GRM3: variants seen among roughly 807,000 people sequenced by gnomAD.
GRM3 encodes metabotropic glutamate receptor 3.
A neutral mutation model predicts 70.5 loss-of-function variants in GRM3; 26 were observed. The ratio of observed to expected loss-of-function variants is 0.37; its 90% CI spans 0.27 to 0.51. The LOEUF (loss-of-function observed/expected upper bound fraction) is 0.51. Among genes scored for constraint, GRM3 ranks in the 20% least tolerant of loss-of-function variants. The probability of loss-of-function intolerance (pLI) is 0.93; values close to 1 mark genes in which losing one functional copy is unlikely to be tolerated. For missense variants in GRM3, 859 were observed against 1,123.8 expected, an observed-to-expected ratio of 0.76 and a Z score of 3.37; for synonymous variants, 443 against 434.9, an observed-to-expected ratio of 1.02 and a Z score of -0.23.
intron 1 of GRM3, among the ~76,000 whole-genome samples, chr7:86,673,889 CTT>C (rs985239138): frequency 1.3e-5 from 2 of 152,110 alleles, no homozygotes; most frequent in African/African-American, 4.8e-5. Flanking sequence ...GACTCCTACA[CTT>C]TTTATATATT....
chr7:86,665,083 G>C (rs1793992084), intron 1 of GRM3, among the ~76,000 whole-genome samples: 1 of 152,006 alleles, frequency 6.6e-6, no homozygotes, highest in African/African-American at 2.4e-5. Context: ...TGCTTAGAGA[G>C]ATACAGTTTC....
intron 1 of GRM3, among the ~76,000 whole-genome samples, chr7:86,653,975 C>T (rs1309499049): frequency 6.6e-6 from 1 of 152,146 alleles, no homozygotes; most frequent in Non-Finnish European, 1.5e-5. Context: ...TCACAACTCT[C>T]CCCACTGCCC....
At chr7:86,664,872 G>C (rs1421508575) in intron 1 of GRM3, among the ~76,000 whole-genome samples, 1 of 152,022 alleles carries the variant, frequency 6.6e-6, no homozygotes, top group Non-Finnish European at 1.5e-5. Flanking sequence ...GGCCTAAGGG[G>C]TAGTGACAGC....
At position 86,696,850 on chromosome 7, in the gene GRM3, G is replaced by A. The variant is rs558187721; in HGVS notation, c.-141+51978G>A. 2.2e-3 allele frequency among the ~76,000 whole-genome samples: 339 copies of A among 152,222 alleles called. 2 individuals carry two copies. Among genetic ancestry groups the A allele is most frequent in the Middle Eastern group, 3.4e-3 (1 of 292 alleles). On this transcript the variant is annotated intron_variant, in intron 1 of 5. Transcript: ENST00000361669. ...TCTCTTAAACCCATTGTACAGATGA[G>A]ACAACTAAGACCAAGATTCCAACCC... is the stretch of plus-strand genomic sequence containing the variant.
Position 86,756,657 on chromosome 7 carries a change from A to G in GRM3, c.-140-8349A>G, listed in dbSNP as rs549923201. 1.1e-4 allele frequency among the ~76,000 whole-genome samples: 16 copies of G among 152,126 alleles called. No individual in the cohort carries two copies. The South Asian group carries it at 2.9e-3, about 28-fold the overall frequency. On this transcript the variant is annotated intron_variant, in intron 1 of 5. Coordinates refer to ENST00000361669, the MANE Select transcript of GRM3 (RefSeq NM_000840.3). ...TTTTCCTTTACCTTTACTTTAATCA[A>G]TTTGGCTATGATTTAACTACATATG...
intron 3 of GRM3, among the ~76,000 whole-genome samples, chr7:86,800,241 A>C (rs1797650907): frequency 6.6e-6 from 1 of 152,224 alleles, no homozygotes; most frequent in South Asian, 2.1e-4. Flanking sequence ...TAGAGAACCA[A>C]GAGCAATCAA....
intron 1 of GRM3, among the ~76,000 whole-genome samples, chr7:86,669,015 A>AG: frequency 2.0e-5 from 3 of 152,152 alleles, no homozygotes; most frequent in Admixed American, 6.6e-5. Context: ...CTGTCTTACT[A>AG]TCCCAAGATA....
intron 2 of GRM3, among the ~76,000 whole-genome samples, chr7:86,782,841 T>C (rs983561329): frequency 6.6e-6 from 1 of 152,208 alleles, no homozygotes; most frequent in Admixed American, 6.5e-5. Context: ...GAGTCTTAAT[T>C]TATGTGAAGC....
Position 86,723,453 on chromosome 7 carries a change from TTC to T in GRM3, c.-140-41549_-140-41548del, listed in dbSNP as rs1472270229. ...TTAAATGGGCCTGATACTCATTTCT[TTC>T]TCTGAGCTAAACTTAAAAAGAATTA... On this transcript the variant is annotated intron_variant, in intron 1 of 5. Coordinates refer to ENST00000361669, the MANE Select transcript of GRM3 (RefSeq NM_000840.3). 1.8e-4 allele frequency among the ~76,000 whole-genome samples: 27 copies of T among 152,258 alleles called. No individual in the cohort carries two copies. The East Asian group carries it at 4.1e-3, about 23-fold the overall frequency.
At chr7:86,777,137 C>T (rs1361912972) in intron 2 of GRM3, among the ~76,000 whole-genome samples, 2 of 152,120 alleles carry the variant, frequency 1.3e-5, no homozygotes, top group Admixed American at 1.3e-4. Context: ...TATGACATGT[C>T]TTTTAATACC....
intron 1 of GRM3, among the ~76,000 whole-genome samples, chr7:86,757,813 A>AT (rs995154857): frequency 2.0e-5 from 3 of 151,792 alleles, no homozygotes; most frequent in Non-Finnish European, 2.9e-5. Context: ...TTTGCTTCAT[A>AT]TTTTTTCTAC....
Position 86,833,053 on chromosome 7 carries a change from T to G in GRM3, c.1325-5786T>G, listed in dbSNP as rs573830681. ...TTCTTTCATGCTGTTGCAACACCAG[T>G]GAAAGGTGAAGTGATGTATTTTTCC... On this transcript the variant is annotated intron_variant, in intron 3 of 5. Transcript: ENST00000361669. 3.1e-6 allele frequency: 3 copies of G among 978,074 alleles called. No individual in the cohort carries two copies. In the South Asian group the frequency reaches 1.4e-4, roughly 46 times the overall value. 60.6% of individuals were successfully genotyped at this position (978,074 alleles called of 1,614,324 possible). A position where few individuals can be genotyped will look rare whatever the true frequency, so the allele number is the denominator to read the frequency against.
intron 4 of GRM3, among the ~76,000 whole-genome samples, chr7:86,843,479 T>C (rs1039576300): frequency 3.3e-5 from 5 of 152,294 alleles, no homozygotes; most frequent in African/African-American, 1.2e-4. Flanking sequence ...CAAAGGATTT[T>C]TGAGAAACTA....
intron 3 of GRM3, among the ~76,000 whole-genome samples, chr7:86,817,746 C>A (rs1313856686): frequency 1.3e-5 from 2 of 151,956 alleles, no homozygotes; most frequent in Non-Finnish European, 2.9e-5. Context: ...CCTATACCTT[C>A]TAGCCTACAT....
At chr7:86,710,278 T>G (rs1179044543) in intron 1 of GRM3, 1 of 152,042 alleles carries the variant, frequency 6.6e-6, no homozygotes, top group Non-Finnish European at 1.5e-5. Context: ...AAATTTAAAA[T>G]GCCTATTTTT....
intron 1 of GRM3, among the ~76,000 whole-genome samples, chr7:86,647,490 C>T (rs1024684506): frequency 6.6e-6 from 1 of 152,186 alleles, no homozygotes; most frequent in African/African-American, 2.4e-5. Context: ...GATTCAGTTA[C>T]GCACACTGGA....
At chr7:86,676,053 C>G (rs1162694146) in intron 1 of GRM3, among the ~76,000 whole-genome samples, 1 of 151,434 alleles carries the variant, frequency 6.6e-6, no homozygotes, top group African/African-American at 2.4e-5. Flanking sequence ...GTGTATTGTC[C>G]TATTAGGGGA....
chr7:86,713,517 C>T (rs1053368600), intron 1 of GRM3, among the ~76,000 whole-genome samples: 5 of 151,794 alleles, frequency 3.3e-5, no homozygotes, highest in Non-Finnish European at 7.4e-5. Flanking sequence ...CCCTTCATAC[C>T]TTTGCTCATG....
intron 1 of GRM3, among the ~76,000 whole-genome samples, chr7:86,679,723 G>A (rs1774507555): frequency 6.6e-6 from 1 of 151,862 alleles, no homozygotes; most frequent in African/African-American, 2.4e-5. Flanking sequence ...CAGAAATGGA[G>A]TCTTTTCTAT....
Sources: gnomAD v4.1 joint callset for allele counts (sites outside exome capture counted in the v4.1 genomes callset) on GRCh38, gnomAD v4.1.1 for gene constraint, MANE v1.5 for transcripts, NCBI Gene and HGNC (gene_info 2026-07-23, HGNC 2026-07-21) for gene names.